The following SYT16 variants were observed in gnomAD, a reference collection of about 807,000 sequenced individuals.
The protein encoded by SYT16 is synaptotagmin-16.
A neutral mutation model predicts 61.4 loss-of-function variants in SYT16; 42 were observed. The ratio of observed to expected loss-of-function variants is 0.68; its 90% confidence interval spans 0.53 to 0.89. The LOEUF is 0.89. SYT16 is among the 40% of genes least tolerant of loss of function. The pLI is 0.00. For missense variants in SYT16, 804 were observed against 807.3 expected (o/e 1.00, Z 0.05); for synonymous variants, 314 against 302.3 (o/e 1.04, Z -0.40).
chr14:61,823,491 G>T (rs910837290), intron 1 of SYT16, among the ~76,000 whole-genome samples: 4 of 151,108 alleles, frequency 2.6e-5, no homozygotes, highest in African/African-American at 4.9e-5. Context: ...CACTTTGGGA[G>T]GCCGAGGTGG....
intron 3 of SYT16, among the ~76,000 whole-genome samples, chr14:62,065,091 C>T (rs908898650): frequency 1.3e-5 from 2 of 152,182 alleles, no homozygotes; most frequent in African/African-American, 4.8e-5. Context: ...CTTTTCACTG[C>T]TCTGCTCTAC....
At chr14:61,840,681 G>A (rs2046277282) in intron 1 of SYT16, among the ~76,000 whole-genome samples, 1 of 151,648 alleles carries the variant, frequency 6.6e-6, no homozygotes. Context: ...TAAAACAGCA[G>A]TGACAAGGTG....
intron 3 of SYT16, among the ~76,000 whole-genome samples, chr14:62,000,736 A>G (rs1209784749): frequency 6.6e-6 from 1 of 152,080 alleles, no homozygotes; most frequent in Non-Finnish European, 1.5e-5. Flanking sequence ...TCCCTAATGC[A>G]TGGATCTTTA....
chr14:61,896,959 TAAGA>T (rs2140349669), intron 1 of SYT16, among the ~76,000 whole-genome samples: 1 of 152,320 alleles, frequency 6.6e-6, no homozygotes, highest in Admixed American at 6.5e-5. Context: ...TGAGATGATC[TAAGA>T]CAGAGGTCAA....
At chr14:61,820,601 C>G (rs1594685336) in intron 1 of SYT16, among the ~76,000 whole-genome samples, 1 of 150,182 alleles carries the variant, frequency 6.7e-6, no homozygotes, top group Non-Finnish European at 1.5e-5. Flanking sequence ...CCTGCCTCAG[C>G]CTCCTGAGTA....
Position 62,111,538 on chromosome 14 carries a change from AT to A in SYT16, c.*10832del, listed in dbSNP as rs1314176131. 6.6e-6 allele frequency: 1 copy of A among 152,122 alleles called. No individual in the cohort carries two copies. The highest frequency in any genetic ancestry group is 1.5e-5 in the Non-Finnish European group (1 of 67,976). The allele number at this position is 152,122 out of a possible 1,614,324, so 9.4% of individuals were successfully genotyped here. A position where few individuals can be genotyped will look rare whatever the true frequency, so the allele number is the denominator to read the frequency against. On this transcript the variant is annotated 3_prime_UTR_variant, in exon 8 of 8. Transcript: ENST00000683842. ...AATTTTATAAATTTCACTTTTGTGG[AT>A]AGTTAAGTATAACATGGTTTAGTAT...
At chr14:61,855,358 T>C (rs977756555) in intron 1 of SYT16, among the ~76,000 whole-genome samples, 7 of 152,154 alleles carry the variant, frequency 4.6e-5, no homozygotes, top group African/African-American at 1.4e-4. Context: ...CCATCGTAAG[T>C]TGAAAATAAT....
At chr14:61,975,015 TG>T (rs1176070399) in intron 2 of SYT16, among the ~76,000 whole-genome samples, 1 of 152,256 alleles carries the variant, frequency 6.6e-6, no homozygotes, top group Non-Finnish European at 1.5e-5. Flanking sequence ...TCTTTTTGCT[TG>T]GGCCATAATG....
At chr14:62,011,801 C>G (rs1444976711) in intron 3 of SYT16, among the ~76,000 whole-genome samples, 1 of 151,134 alleles carries the variant, frequency 6.6e-6, no homozygotes, top group African/African-American at 2.4e-5. Flanking sequence ...CCGTATATCA[C>G]CACAGGACCC....
intron 3 of SYT16, among the ~76,000 whole-genome samples, chr14:62,028,706 G>A (rs2054193634): frequency 6.6e-6 from 1 of 152,130 alleles, no homozygotes; most frequent in African/African-American, 2.4e-5. Context: ...TTACCATTCT[G>A]AGAGACCAAA....
intron 1 of SYT16, among the ~76,000 whole-genome samples, chr14:61,918,209 C>T (rs1479813839): frequency 2.6e-5 from 4 of 152,140 alleles, no homozygotes; most frequent in African/African-American, 9.7e-5. Context: ...CAATGAAGGT[C>T]AAGTTTGTTG....
chr14:61,910,268 C>T (rs2048879150), intron 1 of SYT16, among the ~76,000 whole-genome samples: 2 of 151,872 alleles, frequency 1.3e-5, no homozygotes, highest in South Asian at 2.1e-4. Flanking sequence ...GACGGGGTCT[C>T]ACTGTTGTCA....
intron 1 of SYT16, among the ~76,000 whole-genome samples, chr14:61,890,423 G>A (rs561422633): frequency 6.6e-6 from 1 of 151,612 alleles, no homozygotes; most frequent in Admixed American, 6.6e-5. Context: ...AAGTGGAGGG[G>A]CTATATTTGT....
At position 61,991,943 on chromosome 14, in the gene SYT16, T is replaced by A. The variant is rs557856239; in HGVS notation, c.-144-3933T>A. ...AGCTTTAAATGTTTTCACTAATAAC[T>A]TTGTTCGTTCATTCATTCATTCATT... is the stretch of plus-strand genomic sequence containing the variant. On this transcript the variant is annotated intron_variant, in intron 2 of 7. Coordinates refer to ENST00000683842, the MANE Select transcript of SYT16 (RefSeq NM_001367656.1). Among the ~76,000 whole-genome samples the A allele has an allele frequency of 5.1e-3, 662 of 128,696 alleles. 5 individuals are homozygous for A. The highest frequency in any genetic ancestry group is 0.02 in the African/African-American group (633 of 32,238). The allele number at this position is 128,696 out of a possible 152,430, so 84.4% of individuals were successfully genotyped here. A position where few individuals can be genotyped will look rare whatever the true frequency, so the allele number is the denominator to read the frequency against.
At chr14:61,846,939 A>G (rs1007588502) in intron 1 of SYT16, among the ~76,000 whole-genome samples, 3 of 152,190 alleles carry the variant, frequency 2.0e-5, no homozygotes, top group African/African-American at 7.2e-5. Flanking sequence ...GAAAACTGAT[A>G]AAGATTCTAT....
chr14:61,886,257 C>CCTGG (rs202157838), intron 1 of SYT16, among the ~76,000 whole-genome samples: 1,626 of 151,962 alleles, frequency 0.011, 15 homozygotes, highest in Middle Eastern at 0.031. Context: ...AGCCACCGCA[C>CCTGG]CTGGCTGGCT....
At chr14:61,864,462 C>T (rs1270536660) in intron 1 of SYT16, among the ~76,000 whole-genome samples, 2 of 152,256 alleles carry the variant, frequency 1.3e-5, no homozygotes, top group African/African-American at 4.8e-5. Flanking sequence ...CGGTGGGCTC[C>T]GCTGTCCACT....
chr14:61,914,793 T>C (rs191589224), intron 1 of SYT16, among the ~76,000 whole-genome samples: 5 of 152,316 alleles, frequency 3.3e-5, no homozygotes, highest in African/African-American at 1.2e-4. Flanking sequence ...CTAAGTAATT[T>C]CCCTTCTTAC....
At chr14:62,074,101 G>A (rs1364004176) in intron 4 of SYT16, among the ~76,000 whole-genome samples, 3 of 152,186 alleles carry the variant, frequency 2.0e-5, no homozygotes, top group African/African-American at 7.2e-5. Flanking sequence ...AGAGATAAGA[G>A]ATCCTCAATT....
Sources: allele counts gnomAD v4.1 joint callset (sites outside exome capture counted in the v4.1 genomes callset), GRCh38; gene constraint gnomAD v4.1.1; transcripts MANE v1.5; gene names NCBI Gene and HGNC (gene_info 2026-07-23, HGNC 2026-07-21).